FAM193A: variants seen among roughly 807,000 people sequenced by gnomAD.
FAM193A encodes family with sequence similarity 193 member A, also known as protein FAM193A.
Under a neutral mutation model 126.5 loss-of-function variants are expected in FAM193A, and 22 were observed. That is an observed-to-expected ratio of 0.17 (90% CI 0.12 to 0.25). The LOEUF is 0.25. FAM193A is among the 10% of genes least tolerant of loss of function. The pLI is 1.00. For synonymous variants in FAM193A, 761 were observed against 646.8 expected, an observed-to-expected ratio of 1.18 and a Z score of -2.68; for missense variants, 1,675 against 1,672.8, an observed-to-expected ratio of 1.00 and a Z score of -0.02.
intron 1 of FAM193A, among the ~76,000 whole-genome samples, chr4:2,594,249 G>T: frequency 6.6e-6 from 1 of 152,322 alleles, no homozygotes; most frequent in South Asian, 2.1e-4. Context: ...TCAGCAGGAA[G>T]TCTTAAGAAT....
At chr4:2,595,264 G>T (rs1740794272) in intron 1 of FAM193A, among the ~76,000 whole-genome samples, 1 of 152,158 alleles carries the variant, frequency 6.6e-6, no homozygotes, top group Non-Finnish European at 1.5e-5. Flanking sequence ...ACTGAGGCTG[G>T]TCTCAAACCT....
intron 5 of FAM193A, among the ~76,000 whole-genome samples, chr4:2,634,434 A>G (rs1743898751): frequency 6.6e-6 from 1 of 152,168 alleles, no homozygotes; most frequent in Non-Finnish European, 1.5e-5. Context: ...AAGTCATAAA[A>G]CACAAGGTTC....
At chr4:2,649,747 C>T (rs17164068) in intron 7 of FAM193A, among the ~76,000 whole-genome samples, 4,370 of 152,296 alleles carry the variant, frequency 0.029, 222 homozygotes, top group African/African-American at 0.099. Context: ...CTGCTGGTTA[C>T]TGGGTGCCCC....
At chr4:2,701,167 A>G (rs1170047670) in intron 19 of FAM193A, among the ~76,000 whole-genome samples, 1 of 151,944 alleles carries the variant, frequency 6.6e-6, no homozygotes, top group African/African-American at 2.4e-5. Flanking sequence ...AGATAAAGAC[A>G]CTTATAAAAC....
intron 15 of FAM193A, among the ~76,000 whole-genome samples, chr4:2,691,300 C>A (rs1019558142): frequency 6.6e-6 from 1 of 152,218 alleles, no homozygotes; most frequent in East Asian, 1.9e-4. Context: ...ATTACAGCCT[C>A]TGCCTCTTGG....
Position 2,663,874 on chromosome 4 carries a change from C to G in FAM193A, c.2079+586C>G, listed in dbSNP as rs183878391. Among the ~76,000 whole-genome samples the G allele has an allele frequency of 8.5e-5, 13 of 152,180 alleles. No homozygotes were observed. The East Asian group carries it at 2.1e-3, about 25-fold the overall frequency. On this transcript the variant is annotated intron_variant, in intron 12 of 20. Transcript: ENST00000637812. Reference sequence around the variant, plus strand: ...CCCAGCTACTTGGGAGGCTGAGGCACAAGAATTGCTTGAACCTGGGAGGCA... The same window carrying G: ...CCCAGCTACTTGGGAGGCTGAGGCAGAAGAATTGCTTGAACCTGGGAGGCA...
chr4:2,695,961 A>G (rs1427657297), intron 17 of FAM193A, among the ~76,000 whole-genome samples: 2 of 152,116 alleles, frequency 1.3e-5, no homozygotes, highest in East Asian at 3.9e-4. Flanking sequence ...TCAGGAGGTC[A>G]AGGCTGCAGT....
chr4:2,645,839 A>G (rs1161689310), intron 6 of FAM193A, among the ~76,000 whole-genome samples: 1 of 152,144 alleles, frequency 6.6e-6, no homozygotes, highest in Non-Finnish European at 1.5e-5. Flanking sequence ...CGTCTTTCTT[A>G]ATACAATATA....
chr4:2,542,568 A>G (rs1168973252), intron 1 of FAM193A, among the ~76,000 whole-genome samples: 1 of 152,214 alleles, frequency 6.6e-6, no homozygotes, highest in Admixed American at 6.5e-5. Flanking sequence ...GATCACAGAA[A>G]GTCTTAATGT....
At chr4:2,558,529 G>A (rs956382628) in intron 1 of FAM193A, among the ~76,000 whole-genome samples, 1 of 152,066 alleles carries the variant, frequency 6.6e-6, no homozygotes, top group East Asian at 1.9e-4. Flanking sequence ...CTACAGGCAC[G>A]GGCCACCACA....
At chr4:2,639,262 G>A (rs1197117726) in intron 5 of FAM193A, among the ~76,000 whole-genome samples, 1 of 152,112 alleles carries the variant, frequency 6.6e-6, no homozygotes, top group African/African-American at 2.4e-5. Flanking sequence ...CTCTGATAGG[G>A]TCTTGCAAGT....
At chr4:2,550,268 A>G (rs1578574852) in intron 1 of FAM193A, among the ~76,000 whole-genome samples, 1 of 150,500 alleles carries the variant, frequency 6.6e-6, no homozygotes. Flanking sequence ...CTGATCTCGA[A>G]CTCCTGGCCT....
intron 6 of FAM193A, 103 bp downstream of exon 6, chr4:2,639,962 G>A: frequency 8.6e-7 from 1 of 1,157,568 alleles, no homozygotes; most frequent in Non-Finnish European, 1.2e-6. Flanking sequence ...GAAAGTTCTT[G>A]CAGGAAAAAT....
At chr4:2,604,911 G>C (rs1225483214) in intron 2 of FAM193A, among the ~76,000 whole-genome samples, 1 of 145,754 alleles carries the variant, frequency 6.9e-6, no homozygotes, top group African/African-American at 2.6e-5. Context: ...GATTCTCCCA[G>C]CTTAGCCTCC....
intron 20 of FAM193A, among the ~76,000 whole-genome samples, chr4:2,730,161 G>A (rs1194672294): frequency 1.3e-5 from 2 of 152,176 alleles, no homozygotes; most frequent in Non-Finnish European, 2.9e-5. Flanking sequence ...TCCAACCTCA[G>A]CCTCCCAAAG....
At chr4:2,646,071 T>G (rs933081346) in intron 6 of FAM193A, among the ~76,000 whole-genome samples, 2 of 151,846 alleles carry the variant, frequency 1.3e-5, no homozygotes, top group Non-Finnish European at 1.5e-5. Context: ...CCATATTTGG[T>G]AAACTGAATT....
chr4:2,535,943 C>T (rs1736849282), upstream of FAM193A, among the ~76,000 whole-genome samples: 1 of 152,160 alleles, frequency 6.6e-6, no homozygotes, highest in African/African-American at 2.4e-5. Flanking sequence ...CCCAGGCGGA[C>T]CCCACCGCAC....
At chr4:2,549,537 C>T (rs1399671738) in intron 1 of FAM193A, among the ~76,000 whole-genome samples, 2 of 144,076 alleles carry the variant, frequency 1.4e-5, no homozygotes, top group Non-Finnish European at 3.1e-5. Context: ...GCTGGGACTA[C>T]AGGCGCCCGC....
At chr4:2,662,651 A>G (rs1247614337) in intron 10 of FAM193A, among the ~76,000 whole-genome samples, 187 bp from the exon 11 acceptor site, 1 of 152,186 alleles carries the variant, frequency 6.6e-6, no homozygotes, top group African/African-American at 2.4e-5. Context: ...CACAAATGTT[A>G]ATCTTCCAAG....
Sources: gnomAD v4.1 joint callset for allele counts (sites outside exome capture counted in the v4.1 genomes callset) on GRCh38, gnomAD v4.1.1 for gene constraint, MANE v1.5 for transcripts, NCBI Gene and HGNC (gene_info 2026-07-23, HGNC 2026-07-21) for gene names.